The following CTNNA2 variants were observed in gnomAD, a reference collection of about 807,000 sequenced individuals.
The protein encoded by CTNNA2 is catenin alpha-2.
Under a neutral mutation model 101.0 loss-of-function variants are expected in CTNNA2, and 42 were observed. The ratio of observed to expected loss-of-function variants is 0.42; its 90% CI spans 0.32 to 0.54. The LOEUF is 0.54. Ranked by LOEUF, CTNNA2 falls within the 20% of genes least tolerant of loss-of-function variation. The probability of loss-of-function intolerance (pLI) is 0.14; values close to 1 mark genes in which losing one functional copy is unlikely to be tolerated. For synonymous variants in CTNNA2, 450 were observed against 456.4 expected (o/e 0.99, Z 0.18); for missense variants, 871 against 1,223.1 (o/e 0.71, Z 4.29).
intron 1 of CTNNA2, among the ~76,000 whole-genome samples, chr2:79,553,809 C>A (rs2104074947): frequency 1.3e-5 from 2 of 152,218 alleles, no homozygotes; most frequent in Middle Eastern, 3.4e-3. Context: ...GGTGGGGACA[C>A]AAATACAAAC....
At chr2:79,416,229 A>G (rs1678478698) in intron 4 of CTNNA2, among the ~76,000 whole-genome samples, 1 of 136,300 alleles carries the variant, frequency 7.3e-6, no homozygotes. Flanking sequence ...TATATATCTC[A>G]TGTCTCCTTG....
chr2:79,729,782 T>A (rs1350361962), intron 2 of CTNNA2, among the ~76,000 whole-genome samples: 1 of 152,082 alleles, frequency 6.6e-6, no homozygotes, highest in African/African-American at 2.4e-5. Context: ...GGCTGGCTAT[T>A]CTATCCATGA....
chr2:79,860,393 G>T (rs918075180), intron 4 of CTNNA2, among the ~76,000 whole-genome samples: 3 of 151,988 alleles, frequency 2.0e-5, no homozygotes, highest in Non-Finnish European at 4.4e-5. Context: ...ATAAATCCAG[G>T]GCGATGACGC....
At position 79,951,943 on chromosome 2, in the gene CTNNA2, A is replaced by G. The variant is rs185777675; in HGVS notation, c.1056+42146A>G. 2.0e-5 allele frequency among the ~76,000 whole-genome samples: 3 copies of G among 152,142 alleles called. No individual in the cohort carries two copies. In the East Asian group the frequency reaches 5.8e-4, roughly 30 times the overall value. ...TGCATTTCTGGGCACTTCCCCAGTTAAGTCTGTACCATGGCTGCTCATTTC... is the reference window on the plus strand; with the variant it reads ...TGCATTTCTGGGCACTTCCCCAGTTGAGTCTGTACCATGGCTGCTCATTTC... On this transcript the variant is annotated intron_variant, in intron 7 of 18. Transcript: ENST00000402739.
rs551366469 is a variant in CTNNA2, at chr2:79,276,064, C to G, written c.-405-36645C>G. 1.3e-3 allele frequency among the ~76,000 whole-genome samples: 191 copies of G among 152,058 alleles called. 2 individuals are homozygous for G. Among genetic ancestry groups the G allele is most frequent in the Non-Finnish European group, 1.9e-3 (132 of 67,946 alleles). On this transcript the variant is annotated intron_variant, in intron 2 of 21. Coordinates refer to the CTNNA2 transcript ENST00000466387. ...TGAGATATGCAGACACCTGGGAAGA[C>G]TATTCCAGGAAAAGGGAACAGAATA...
At chr2:79,374,991 A>C (rs1281180270) in intron 4 of CTNNA2, among the ~76,000 whole-genome samples, 2 of 152,170 alleles carry the variant, frequency 1.3e-5, no homozygotes, top group Non-Finnish European at 2.9e-5. Context: ...GAATGGAAAC[A>C]TTTATAATGA....
chr2:79,278,543 C>A (rs1675276842), intron 2 of CTNNA2, among the ~76,000 whole-genome samples: 1 of 151,824 alleles, frequency 6.6e-6, no homozygotes, highest in African/African-American at 2.4e-5. Context: ...TAATTGTGGG[C>A]AATTTTGAAA....
chr2:80,151,462 T>C (rs1042183177), intron 7 of CTNNA2, among the ~76,000 whole-genome samples: 1 of 152,200 alleles, frequency 6.6e-6, no homozygotes, highest in Non-Finnish European at 1.5e-5. Flanking sequence ...TTGTGAAATA[T>C]ACAGTAAGAG....
In CTNNA2 at chr2:80,608,189, T is replaced by G; in HGVS notation, c.2301T>G (p.Pro767=). The G allele has an allele frequency of 6.2e-7, 1 of 1,609,436 alleles. No individual in the cohort carries two copies. The highest frequency in any genetic ancestry group is 2.2e-5 in the East Asian group (1 of 44,784). ...ACTCTTTTAATGTTTTATAGTGTCCTGATTCAGCATGTAAGCAGGATTTAT... is the reference window on the plus strand; with the variant it reads ...ACTCTTTTAATGTTTTATAGTGTCCGGATTCAGCATGTAAGCAGGATTTAT... ...KLARAVADQC[P]DSACKQDLLA... is the part of the protein sequence containing the mutation. Residue 767 remains proline, a synonymous_variant, in exon 17 of 19, where the codon CCT becomes CCG. Transcript: ENST00000402739.
intron 18 of CTNNA2, among the ~76,000 whole-genome samples, chr2:80,636,173 C>A (rs936446448): frequency 6.6e-6 from 1 of 151,912 alleles, no homozygotes; most frequent in African/African-American, 2.4e-5. Context: ...TACTTATGTT[C>A]TGGAAAGCTA....
intron 18 of CTNNA2, among the ~76,000 whole-genome samples, chr2:80,629,565 A>AACCTATAGG (rs1672059014): frequency 6.6e-6 from 1 of 152,192 alleles, no homozygotes; most frequent in Non-Finnish European, 1.5e-5. Context: ...AGGAAAGAGA[A>AACCTATAGG]ACCTATAGGC....
chr2:79,963,893 G>A (rs1224864833), intron 7 of CTNNA2, among the ~76,000 whole-genome samples: 3 of 152,188 alleles, frequency 2.0e-5, no homozygotes, highest in Non-Finnish European at 2.9e-5. Context: ...TCTGACTGAT[G>A]TCTAGCCATG....
At chr2:80,162,442 C>G in intron 7 of CTNNA2, 1 of 1,569,188 alleles carries the variant, frequency 6.4e-7, no homozygotes, top group Non-Finnish European at 8.6e-7. Flanking sequence ...GTGCTTTTAA[C>G]ATGTGTTAGT....
At chr2:79,416,881 G>T (rs1678489846) in intron 4 of CTNNA2, among the ~76,000 whole-genome samples, 1 of 152,006 alleles carries the variant, frequency 6.6e-6, no homozygotes, top group Non-Finnish European at 1.5e-5. Flanking sequence ...ACTTCTTACA[G>T]GATCTTCCCC....
At chr2:80,161,479 G>C (rs1404743982) in intron 7 of CTNNA2, among the ~76,000 whole-genome samples, 5 of 151,944 alleles carry the variant, frequency 3.3e-5, no homozygotes, top group Admixed American at 3.3e-4. Flanking sequence ...ACAAGTTTTT[G>C]TTAAACAAGA....
chr2:80,030,629 C>G (rs766963395), intron 7 of CTNNA2: 1 of 152,060 alleles, frequency 6.6e-6, no homozygotes, highest in Non-Finnish European at 1.5e-5. Flanking sequence ...AAACAATAAA[C>G]AAAATCAACA....
intron 2 of CTNNA2, among the ~76,000 whole-genome samples, chr2:79,223,523 A>G (rs1013877403): frequency 2.6e-5 from 4 of 152,258 alleles, no homozygotes; most frequent in Middle Eastern, 3.4e-3. Flanking sequence ...GTTACTGAGC[A>G]TAGTTCAATT....
chr2:79,623,979 G>A (rs1455482513), intron 1 of CTNNA2, among the ~76,000 whole-genome samples: 2 of 152,004 alleles, frequency 1.3e-5, no homozygotes, highest in Non-Finnish European at 2.9e-5. Flanking sequence ...TCATATGGAA[G>A]ACATCTCTCT....
chr2:80,526,379 T>C (rs1490244816), intron 9 of CTNNA2, among the ~76,000 whole-genome samples: 3 of 152,168 alleles, frequency 2.0e-5, no homozygotes, highest in African/African-American at 4.8e-5. Flanking sequence ...TTTGTATTTT[T>C]AGTAGAGATG....
Sources: gnomAD v4.1 joint callset for allele counts (sites outside exome capture counted in the v4.1 genomes callset) on GRCh38, gnomAD v4.1.1 for gene constraint, MANE v1.5 for transcripts, NCBI Gene and HGNC (gene_info 2026-07-23, HGNC 2026-07-21) for gene names.